Variants in SYNJ2 observed in about 807,000 individuals in gnomAD.
SYNJ2 encodes the protein polyphosphatidylinositol phosphatase SYNJ2.
In SYNJ2, 116 loss-of-function variants were observed where a neutral mutation model predicts 141.3. The observed-to-expected ratio is 0.82, with a 90% CI of 0.71 to 0.96. The LOEUF is 0.96. Ranked by LOEUF, SYNJ2 falls within the 40% of genes least tolerant of loss-of-function variation. The probability of loss-of-function intolerance (pLI) is 0.00; values close to 1 mark genes in which losing one functional copy is unlikely to be tolerated. For missense variants in SYNJ2, 1,873 were observed against 1,934.8 expected, an observed-to-expected ratio of 0.97 and a Z score of 0.60; for synonymous variants, 745 against 777.7, an observed-to-expected ratio of 0.96 and a Z score of 0.70.
chr6:158,089,798 G>A, intron 24 of SYNJ2, 41 bp from the exon 25 acceptor site: 1 of 1,517,362 alleles, frequency 6.6e-7, no homozygotes, highest in Non-Finnish European at 9.1e-7. Context: ...CTGTCCTCCT[G>A]CCTCTGCTGA....
chr6:158,092,265 A>G (rs1317784460), intron 25 of SYNJ2, among the ~76,000 whole-genome samples: 2 of 152,186 alleles, frequency 1.3e-5, no homozygotes, highest in African/African-American at 4.8e-5. Context: ...GAGACTTTGC[A>G]TATGATCTCA....
At chr6:158,080,249 C>A (rs150957481) in intron 18 of SYNJ2, among the ~76,000 whole-genome samples, 1 of 152,160 alleles carries the variant, frequency 6.6e-6, no homozygotes, top group African/African-American at 2.4e-5. Flanking sequence ...CTGAGGCAGG[C>A]GGATCACCTA....
chr6:158,040,802 C>G lies in SYNJ2; in HGVS notation c.712-2514C>G, dbSNP rs1293854152. 6.6e-6 allele frequency among the ~76,000 whole-genome samples: 1 copy of G among 152,176 alleles called. No individual in the cohort carries two copies. The highest frequency in any genetic ancestry group is 2.1e-4 in the South Asian group (1 of 4,828). On this transcript the variant is annotated intron_variant, in intron 4 of 26. Coordinates refer to ENST00000355585, the MANE Select transcript of SYNJ2 (RefSeq NM_003898.4). The surrounding 1 kb of genome is among the most constrained non-coding windows in gnomAD (Gnocchi z 4.2). ...CTGCTCTGGAAGCGTCACTCAGGGT[C>G]ACCCTCTGGCTGCTCAGTCTGGGGT...
intron 1 of SYNJ2, among the ~76,000 whole-genome samples, chr6:157,994,834 T>C (rs964399401): frequency 8.5e-5 from 13 of 152,230 alleles, no homozygotes; most frequent in African/African-American, 3.1e-4. Context: ...TGAGAGATGA[T>C]TTCCATGAGG....
intron 4 of SYNJ2, among the ~76,000 whole-genome samples, chr6:158,039,804 G>T (rs567676466): frequency 2.8e-4 from 42 of 152,260 alleles, no homozygotes; most frequent in African/African-American, 9.9e-4. Context: ...TGAGCCTCCA[G>T]TAGGAAGGAG....
At chr6:158,016,536 G>T (rs551030898) in intron 1 of SYNJ2, among the ~76,000 whole-genome samples, 2 of 152,216 alleles carry the variant, frequency 1.3e-5, no homozygotes, top group East Asian at 3.9e-4. Flanking sequence ...TTCTGAGAAG[G>T]GGTCTAAAGG....
intron 5 of SYNJ2, among the ~76,000 whole-genome samples, chr6:158,052,253 G>T (rs1780610265): frequency 6.6e-6 from 1 of 152,154 alleles, no homozygotes; most frequent in African/African-American, 2.4e-5. Context: ...CAGACCTACA[G>T]AAAAAATTTA....
In SYNJ2 at chr6:158,095,873, C is replaced by A. The variant is rs202164985; in HGVS notation, c.4000C>A (p.Pro1334Thr). The stretch of plus-strand genomic sequence containing the variant: ...GCCGCCTCTTGTGCCCAAGGTACCC[C>A]CGAGGAGGAAGAAGTCAGCCCCCGC... ...EAPPLVPKVP[P>T]RRKKSAPAAF... Residue 1334 changes from proline to threonine, a missense_variant, in exon 27 of 27, where the codon CCG (proline) becomes ACG (threonine). By Grantham distance (38) the Pro-to-Thr change is conservative. Transcript: ENST00000355585. 8 of 1,613,988 alleles carry A rather than the reference C, an allele frequency of 5.0e-6. No individual in the cohort carries two copies. The highest frequency in any genetic ancestry group is 6.8e-6 in the Non-Finnish European group (8 of 1,180,006).
chr6:158,045,389 C>T (rs994163317), intron 5 of SYNJ2, among the ~76,000 whole-genome samples: 10 of 152,134 alleles, frequency 6.6e-5, no homozygotes, highest in African/African-American at 1.9e-4. Flanking sequence ...GGATTACAGG[C>T]GTGAGCCACC....
chr6:158,093,889 T>C (rs769794293), intron 26 of SYNJ2: 4 of 764,926 alleles, frequency 5.2e-6, no homozygotes, highest in African/African-American at 5.1e-5. Flanking sequence ...TTCTTGCAGA[T>C]TGTTTTTTGC....
intron 4 of SYNJ2, among the ~76,000 whole-genome samples, chr6:158,035,033 G>A (rs1018789393): frequency 3.3e-5 from 5 of 152,104 alleles, no homozygotes; most frequent in African/African-American, 1.2e-4. Context: ...CTGTTTCATT[G>A]GTCTACGTAT....
At chr6:158,067,641 T>G in intron 12 of SYNJ2, 1 of 985,426 alleles carries the variant, frequency 1.0e-6, no homozygotes, top group Non-Finnish European at 1.2e-6. Flanking sequence ...TGACCTGTGG[T>G]CTAGCTGACA....
chr6:158,089,289 G>T (rs1783277868), intron 24 of SYNJ2, among the ~76,000 whole-genome samples: 1 of 152,172 alleles, frequency 6.6e-6, no homozygotes, highest in Admixed American at 6.5e-5. Context: ...TGAAGGCAGG[G>T]AAGTAGAGGG....
rs1330601680 is a variant in SYNJ2 at position 158,070,054 on chromosome 6, AT to A, written c.1940+383del. On this transcript the variant is annotated intron_variant, in intron 14 of 26. Transcript: ENST00000355585. This position sits in a 1 kb window ranked among gnomAD's most constrained non-coding sequence, Gnocchi z 4.0. ...AACTCTTTTGTCCCTTTTTAAAAGA[AT>A]TCTAAGTAGAACGTGTGGGCCTCTA... The A allele has an allele frequency of 1.3e-6, 1 of 785,032 alleles. No homozygotes were observed. The highest frequency in any genetic ancestry group is 1.2e-4 in the East Asian group (1 of 8,322). 48.6% of individuals were successfully genotyped at this position (785,032 alleles called of 1,614,324 possible).
chr6:158,042,801 A>C (rs976807249), intron 4 of SYNJ2, among the ~76,000 whole-genome samples: 3 of 152,238 alleles, frequency 2.0e-5, no homozygotes, highest in African/African-American at 7.2e-5. Context: ...GTACAAGATC[A>C]GGTTGAGTCT....
intron 8 of SYNJ2, 86 bp from the exon 9 acceptor site, chr6:158,063,705 T>C (rs1781374842): frequency 3.4e-6 from 2 of 595,528 alleles, no homozygotes; most frequent in Non-Finnish European, 5.6e-6. Context: ...TCCTTGGGAG[T>C]CAAAAGTCAG....
chr6:158,064,760 C>G lies in SYNJ2; in HGVS notation c.1359+10C>G. 1.2e-6 allele frequency: 2 copies of G among 1,613,154 alleles called. No individual in the cohort carries two copies. The highest frequency in any genetic ancestry group is 1.7e-6 in the Non-Finnish European group (2 of 1,179,652). The stretch of plus-strand genomic sequence containing the variant: ...GGAAGGGAAGGCCAAGGTAGGGCCC[C>G]GCCGAGGGGGCAGGGTGGGGGCCCC... On this transcript the variant is annotated intron_variant, in intron 10 of 26. Transcript: ENST00000355585.
chr6:158,021,245 C>T (rs1017020240), intron 2 of SYNJ2, among the ~76,000 whole-genome samples: 2 of 152,196 alleles, frequency 1.3e-5, no homozygotes, highest in Non-Finnish European at 2.9e-5. Flanking sequence ...AAGCTGTACA[C>T]GACAGCCCTA....
intron 7 of SYNJ2, among the ~76,000 whole-genome samples, chr6:158,060,762 T>G (rs1366975761): frequency 3.9e-5 from 6 of 152,252 alleles, no homozygotes; most frequent in Non-Finnish European, 8.8e-5. Flanking sequence ...TTTTCCCCTA[T>G]GCCTTGAGTT....
Sources: gnomAD v4.1 joint callset for allele counts (sites outside exome capture counted in the v4.1 genomes callset) on GRCh38, gnomAD v4.1.1 for gene constraint, Gnocchi (gnomAD v3.1) non-coding constraint, MANE v1.5 for transcripts, NCBI Gene and HGNC (gene_info 2026-07-23, HGNC 2026-07-21) for gene names.